The following CDH23 variants were observed in gnomAD, a reference collection of about 807,000 sequenced individuals.
CDH23 encodes the protein cadherin-23.
A neutral mutation model predicts 317.1 loss-of-function variants in CDH23; 189 were observed. That is an observed-to-expected ratio of 0.60 (90% CI 0.53 to 0.67). The LOEUF (loss-of-function observed/expected upper bound fraction) is 0.67, where lower values mean the gene tolerates loss of function less well. Among genes scored for constraint, CDH23 ranks in the 30% least tolerant of loss-of-function variants. The probability of loss-of-function intolerance (pLI) is 0.00; values close to 1 mark genes in which losing one functional copy is unlikely to be tolerated. For synonymous variants in CDH23, 1,839 were observed against 1,876.8 expected (o/e 0.98, Z 0.52); for missense variants, 4,401 against 4,592.4 (o/e 0.96, Z 1.20).
rs1261818783 is a variant in CDH23 at position 71,706,999 on chromosome 10, G to C, written c.3056G>C (p.Cys1019Ser). ...GAGTTCCGGGTGGTCTGGCTGAACT[G>C]CACGGACAACGACGTGGGCCTCAAT... ...PREFRVVWLN[C>S]TDNDVGLNAE... is the part of the protein sequence containing the mutation. Residue 1019 changes from cysteine (C) to serine (S), a missense_variant, in exon 26 of 70, where the codon TGC (cysteine) becomes TCC (serine). Cys to Ser is a moderately radical substitution (Grantham distance 112). Around this residue, in one of 3 missense-constraint regions of CDH23, gnomAD observed 3,068 missense variants for 3,203.3 expected, o/e 0.96. Transcript: ENST00000224721. 4 of 1,608,014 alleles carry C rather than the reference G, an allele frequency of 2.5e-6. No individual in the cohort carries two copies. Among genetic ancestry groups the C allele is most frequent in the Admixed American group, 1.7e-5 (1 of 59,236 alleles).
intron 11 of CDH23, among the ~76,000 whole-genome samples, chr10:71,625,226 G>A (rs538043054): frequency 1.8e-4 from 27 of 151,642 alleles, no homozygotes; most frequent in Non-Finnish European, 3.2e-4. Context: ...CAAAGGTTTG[G>A]TCCCACCGAG....
intron 26 of CDH23, 53 bp from the exon 27 acceptor site, chr10:71,709,045 C>T: frequency 6.5e-7 from 1 of 1,544,358 alleles, no homozygotes; most frequent in Non-Finnish European, 8.9e-7. Context: ...CCCCGCTTCC[C>T]CTGGCCGGGA....
intron 3 of CDH23, among the ~76,000 whole-genome samples, chr10:71,487,302 TG>T (rs1170704051): frequency 1.3e-5 from 2 of 152,142 alleles, no homozygotes; most frequent in African/African-American, 2.4e-5. Flanking sequence ...TTGAGCAATG[TG>T]GGGGTTAGGG....
chr10:71,500,287 T>C (rs1235121746), intron 3 of CDH23, among the ~76,000 whole-genome samples: 1 of 152,208 alleles, frequency 6.6e-6, no homozygotes, highest in Non-Finnish European at 1.5e-5. Context: ...AAAAAATATA[T>C]GTGCCTGTGT....
chr10:71,761,428 A>T (rs772730035), intron 38 of CDH23, among the ~76,000 whole-genome samples: 63 of 151,074 alleles, frequency 4.2e-4, no homozygotes, highest in Non-Finnish European at 7.7e-4. Context: ...CTAACTACAA[A>T]CCCACACTCC....
At chr10:71,770,478 C>T (rs12415873) in intron 38 of CDH23, among the ~76,000 whole-genome samples, 20,129 of 152,134 alleles carry the variant, frequency 0.13, 1,613 homozygotes, top group East Asian at 0.28. Flanking sequence ...TTGCCATATA[C>T]AGGCATGCTG....
At chr10:71,456,585 T>G (rs1850709148) in intron 3 of CDH23, among the ~76,000 whole-genome samples, 1 of 152,116 alleles carries the variant, frequency 6.6e-6, no homozygotes, top group African/African-American at 2.4e-5. Context: ...CTAATGATAA[T>G]GATGATGTGC....
Position 71,707,040 on chromosome 10 carries a change from T to C in CDH23, c.3097T>C (p.Phe1033Leu). The C allele has an allele frequency of 5.0e-6, 8 of 1,604,416 alleles. No homozygotes were observed. The highest frequency in any genetic ancestry group is 6.8e-6 in the Non-Finnish European group (8 of 1,175,666). The change falls in exon 26 of 70, where the codon TTC becomes CTC. Residue 1033 changes from phenylalanine (F) to leucine (L), a missense_variant. Physicochemically the swap from Phe to Leu is conservative, Grantham distance 22 (BLOSUM62 0). Coordinates refer to ENST00000224721, the MANE Select transcript of CDH23 (RefSeq NM_022124.6). ...GGGCCTCAATGCAGAGCTCAGCTAC[T>C]TCATCACAGGTGCTGCCCCGGCCTC... ...DVGLNAELSY[F>L]ITGGNVDGKF...
intron 3 of CDH23, 27 bp downstream of exon 3, chr10:71,446,422 G>A (rs371310149): frequency 7.2e-5 from 116 of 1,606,762 alleles, no homozygotes; most frequent in Non-Finnish European, 9.0e-5. Flanking sequence ...GCTGGTGGGC[G>A]TGCAGATGGC....
chr10:71,455,762 C>T (rs1466082088), intron 3 of CDH23, among the ~76,000 whole-genome samples: 1 of 152,194 alleles, frequency 6.6e-6, no homozygotes, highest in Non-Finnish European at 1.5e-5. Context: ...TATTTTCCAC[C>T]TGTGCATTCA....
At chr10:71,729,244 T>G (rs1367807506) in intron 30 of CDH23, among the ~76,000 whole-genome samples, 1 of 152,158 alleles carries the variant, frequency 6.6e-6, no homozygotes, top group Non-Finnish European at 1.5e-5. Context: ...AATTGCACAA[T>G]TCAGAAACAG....
At chr10:71,705,975 T>C (rs1181259390) in intron 25 of CDH23, among the ~76,000 whole-genome samples, 1 of 152,116 alleles carries the variant, frequency 6.6e-6, no homozygotes, top group African/African-American at 2.4e-5. Context: ...CAACATTCTC[T>C]CTCCCATTGG....
At chr10:71,615,365 C>T (rs1861122695) in intron 9 of CDH23, 139 bp from the exon 10 acceptor site, 1 of 696,050 alleles carries the variant, frequency 1.4e-6, no homozygotes, top group Admixed American at 2.0e-5. Flanking sequence ...TACTCTTGAA[C>T]CAGCATTCAT....
chr10:71,791,077 T>C, intron 46 of CDH23, 55 bp from the exon 47 acceptor site: 1 of 1,444,600 alleles, frequency 6.9e-7, no homozygotes, highest in Non-Finnish European at 9.5e-7. Context: ...TTGCCCTGTC[T>C]TCCCACCGCA....
intron 6 of CDH23, among the ~76,000 whole-genome samples, chr10:71,527,134 G>A (rs867958792): frequency 6.6e-6 from 1 of 152,238 alleles, no homozygotes; most frequent in Non-Finnish European, 1.5e-5. Context: ...AGGACAGAGT[G>A]GGGTGGGGAT....
rs115669958 is a variant in CDH23 at position 71,716,027 on chromosome 10, C to T, written c.3369+3214C>T. ...TCGAGGGACGGTGGGCCGGCCATGG[C>T]GGAAGCTGTGCAGGGAGAGGCGCAA... On this transcript the variant is annotated intron_variant, in intron 28 of 69. Transcript: ENST00000224721. 318 of 1,502,336 alleles carry T rather than the reference C, an allele frequency of 2.1e-4. No individual in the cohort carries two copies. The African/African-American group carries it at 3.8e-3, about 18-fold the overall frequency. 93.1% of individuals were successfully genotyped at this position (1,502,336 alleles called of 1,614,324 possible). A position where few individuals can be genotyped will look rare whatever the true frequency, so the allele number is the denominator to read the frequency against.
At chr10:71,498,392 A>T (rs934373163) in intron 3 of CDH23, among the ~76,000 whole-genome samples, 2 of 152,178 alleles carry the variant, frequency 1.3e-5, no homozygotes, top group Non-Finnish European at 2.9e-5. Flanking sequence ...GCAGGGATGC[A>T]GTTCTTCATG....
chr10:71,459,257 GT>G (rs1313120039), intron 3 of CDH23, among the ~76,000 whole-genome samples: 3 of 151,790 alleles, frequency 2.0e-5, no homozygotes, highest in Non-Finnish European at 4.4e-5. Context: ...CTGGCTAATT[GT>G]TTTTTAAATT....
intron 1 of CDH23, among the ~76,000 whole-genome samples, chr10:71,416,476 C>T (rs915378952): frequency 2.0e-5 from 3 of 152,108 alleles, no homozygotes; most frequent in African/African-American, 7.2e-5. Flanking sequence ...ATTTTACATC[C>T]ATAAGACATT....
Sources: allele counts gnomAD v4.1 joint callset (sites outside exome capture counted in the v4.1 genomes callset), GRCh38; gene constraint gnomAD v4.1.1; regional missense constraint gnomAD v4.1.1; transcripts MANE v1.5; gene names NCBI Gene and HGNC (gene_info 2026-07-23, HGNC 2026-07-21).